Variants in CRADD observed in about 807,000 individuals in gnomAD.
CRADD encodes death domain-containing protein CRADD.
A neutral mutation model predicts 15.5 loss-of-function variants in CRADD; 9 were observed. The observed-to-expected ratio is 0.58, with a 90% CI of 0.35 to 1.01. The LOEUF is 1.01. CRADD is among the 50% of genes least tolerant of loss of function. CRADD has a pLI of 0.02. For missense variants in CRADD, 227 were observed against 250.3 expected (o/e 0.91, Z 0.63); for synonymous variants, 118 against 107.6 (o/e 1.10, Z -0.60).
intron 2 of CRADD, among the ~76,000 whole-genome samples, chr12:93,892,977 C>CT (rs762901902): frequency 3.9e-5 from 6 of 152,192 alleles, no homozygotes; most frequent in Admixed American, 1.3e-4. Context: ...AGAACACAGG[C>CT]TGTGCTGTAA....
At chr12:93,877,470 G>T (rs1370097380) in intron 2 of CRADD, among the ~76,000 whole-genome samples, 1 of 152,192 alleles carries the variant, frequency 6.6e-6, no homozygotes, top group Non-Finnish European at 1.5e-5. Flanking sequence ...CAGGAGTCAG[G>T]GAATACAGTC....
At chr12:93,734,644 T>C (rs992852918) in intron 2 of CRADD, among the ~76,000 whole-genome samples, 15 of 152,232 alleles carry the variant, frequency 9.9e-5, no homozygotes, top group African/African-American at 3.4e-4. Flanking sequence ...AGAACACCAC[T>C]GCATCATCAG....
At chr12:93,760,262 G>T (rs186579514) in intron 2 of CRADD, among the ~76,000 whole-genome samples, 1 of 152,182 alleles carries the variant, frequency 6.6e-6, no homozygotes, top group Non-Finnish European at 1.5e-5. Context: ...GGAAAAGAGC[G>T]AAGCTACTTA....
At chr12:93,718,033 T>G (rs1178952159) in intron 2 of CRADD, among the ~76,000 whole-genome samples, 1 of 152,226 alleles carries the variant, frequency 6.6e-6, no homozygotes, top group East Asian at 1.9e-4. Flanking sequence ...TCCATTCATC[T>G]ATTTGTCTGT....
At chr12:93,717,661 C>T (rs193115741) in intron 2 of CRADD, among the ~76,000 whole-genome samples, 4 of 152,278 alleles carry the variant, frequency 2.6e-5, no homozygotes, top group Non-Finnish European at 2.9e-5. Flanking sequence ...GCTGGGACTA[C>T]AGGCATGCAC....
At chr12:93,724,841 CTTA>C (rs543856034) in intron 2 of CRADD, among the ~76,000 whole-genome samples, 3 of 151,162 alleles carry the variant, frequency 2.0e-5, no homozygotes, top group East Asian at 1.9e-4. Context: ...AAAGAACAGA[CTTA>C]TTATTATTAT....
At chr12:93,876,456 G>T (rs1958458270) in intron 2 of CRADD, among the ~76,000 whole-genome samples, 2 of 152,034 alleles carry the variant, frequency 1.3e-5, no homozygotes, top group African/African-American at 2.4e-5. Flanking sequence ...ATAACTCTTA[G>T]ATTTGTCCTT....
chr12:93,731,398 T>C (rs77750723), intron 2 of CRADD, among the ~76,000 whole-genome samples: 2,317 of 152,342 alleles, frequency 0.015, 49 homozygotes, highest in African/African-American at 0.053. Flanking sequence ...ATGTAGGTAC[T>C]TCCTGTACTT....
intron 2 of CRADD, among the ~76,000 whole-genome samples, chr12:93,705,212 G>C (rs1385467861): frequency 6.6e-6 from 1 of 152,202 alleles, no homozygotes; most frequent in Non-Finnish European, 1.5e-5. Context: ...TATGTGTTGA[G>C]CAGATGCATT....
chr12:93,705,139 C>T (rs1010500095), intron 2 of CRADD, among the ~76,000 whole-genome samples: 3 of 152,226 alleles, frequency 2.0e-5, no homozygotes, highest in African/African-American at 4.8e-5. Flanking sequence ...AGTAGGGCAG[C>T]TTTAACTGCC....
intron 2 of CRADD, among the ~76,000 whole-genome samples, chr12:93,749,534 A>G (rs1014276675): frequency 6.6e-6 from 1 of 151,186 alleles, no homozygotes; most frequent in Non-Finnish European, 1.5e-5. Context: ...CTTCAGTGAT[A>G]CTCCAGCCTT....
chr12:93,771,421 A>T (rs559158833), intron 2 of CRADD, among the ~76,000 whole-genome samples: 4 of 152,318 alleles, frequency 2.6e-5, no homozygotes, highest in South Asian at 2.1e-4. Flanking sequence ...TTTTGTGAAT[A>T]GCCTTTTCAT....
chr12:93,791,825 A>T (rs1394006760), intron 2 of CRADD, among the ~76,000 whole-genome samples: 1 of 152,120 alleles, frequency 6.6e-6, no homozygotes, highest in East Asian at 1.9e-4. Context: ...TCAGTAAGAA[A>T]TAATAATATA....
At chr12:93,678,725 A>G (rs767252585) in intron 1 of CRADD, 44 bp from the exon 2 acceptor site, 3 of 1,579,674 alleles carry the variant, frequency 1.9e-6, no homozygotes, top group South Asian at 2.4e-5. Flanking sequence ...TTAGGGCCAC[A>G]TCAACATGTC....
chr12:93,866,225 C>T (rs914819607), intron 2 of CRADD, among the ~76,000 whole-genome samples: 1 of 151,722 alleles, frequency 6.6e-6, no homozygotes, highest in East Asian at 1.9e-4. Context: ...TTTCATTTAC[C>T]CTGTTTTCTT....
At chr12:93,704,191 T>A (rs1188710899) in intron 2 of CRADD, among the ~76,000 whole-genome samples, 1 of 152,134 alleles carries the variant, frequency 6.6e-6, no homozygotes, top group Non-Finnish European at 1.5e-5. Context: ...AATCTCAATT[T>A]AATACTCTTA....
chr12:93,716,064 G>A (rs924217944), intron 2 of CRADD, among the ~76,000 whole-genome samples: 6 of 151,576 alleles, frequency 4.0e-5, no homozygotes, highest in Non-Finnish European at 2.9e-5. Context: ...TCCAGGAGGC[G>A]GAGGTTGCAG....
At chr12:93,848,937 C>T (rs183178977) in intron 2 of CRADD, 2 of 152,382 alleles carry the variant, frequency 1.3e-5, no homozygotes, top group East Asian at 3.9e-4. Flanking sequence ...TGTTCCTCTT[C>T]TGGGCTCTGC....
rs769119068 is a variant in CRADD, at chr12:93,678,845, G to C, written c.71G>C (p.Gly24Ala). Residue 24 changes from glycine (G) to alanine (A), a missense_variant, in exon 2 of 3, where the codon GGA becomes GCA. Transcript: ENST00000332896. The part of the protein sequence containing the change: ...LELGAEVLVE[G>A]LVLQYLYQEG... ...CTGGGTGCAGAGGTATTGGTGGAGG[G>C]ACTGGTTCTTCAGTACCTCTACCAG... The C allele has an allele frequency of 1.9e-5, 31 of 1,614,040 alleles. No individual in the cohort carries two copies. Among genetic ancestry groups the C allele is most frequent in the Non-Finnish European group, 2.5e-5 (30 of 1,180,026 alleles).
Sources: gnomAD v4.1 joint callset for allele counts (sites outside exome capture counted in the v4.1 genomes callset) on GRCh38, gnomAD v4.1.1 for gene constraint, MANE v1.5 for transcripts, NCBI Gene and HGNC (gene_info 2026-07-23, HGNC 2026-07-21) for gene names.